NCKAP1L: variants seen among roughly 807,000 people sequenced by gnomAD.
NCKAP1L encodes nck-associated protein 1-like.
A neutral mutation model predicts 139.2 loss-of-function variants in NCKAP1L; 53 were observed. The observed-to-expected ratio is 0.38, with a 90% CI of 0.31 to 0.48. NCKAP1L has a LOEUF of 0.48. Ranked by LOEUF, NCKAP1L falls within the 20% of genes least tolerant of loss-of-function variation. The pLI, the probability that NCKAP1L is intolerant of heterozygous loss-of-function variation, is 0.98. For missense variants in NCKAP1L, 1,151 were observed against 1,381.9 expected, an observed-to-expected ratio of 0.83 and a Z score of 2.65; for synonymous variants, 468 against 499.7, an observed-to-expected ratio of 0.94 and a Z score of 0.85.
At position 54,536,138 on chromosome 12, in the gene NCKAP1L, C is replaced by T; in HGVS notation, c.2966C>T (p.Ser989Phe). 6.2e-7 allele frequency: 1 copy of T among 1,612,002 alleles called. No homozygotes were observed. Among genetic ancestry groups the T allele is most frequent in the Non-Finnish European group, 8.5e-7 (1 of 1,178,322 alleles). ...AIANLKADTS[S>F]PEEEYKVACL... ...TTTTCCCTCTCACCAGATACTTCAT[C>T]TCCTGAGGAGGAATATAAGGTGGCC... is the stretch of plus-strand genomic sequence containing the variant. The change falls in exon 28 of 31, where the codon TCT becomes TTT. Residue 989 changes from serine to phenylalanine, a missense_variant. By Grantham distance (155) the Ser-to-Phe change is radical (BLOSUM62 -2). Transcript: ENST00000293373.
chr12:54,520,942 T>C (rs1030494859), intron 17 of NCKAP1L, 116 bp downstream of exon 17: 4 of 1,481,752 alleles, frequency 2.7e-6, no homozygotes, highest in East Asian at 4.5e-5. Flanking sequence ...AGATGTATGA[T>C]ATGAGTCCCT....
intron 20 of NCKAP1L, among the ~76,000 whole-genome samples, chr12:54,526,043 A>G (rs956108409): frequency 2.6e-5 from 4 of 152,214 alleles, no homozygotes; most frequent in African/African-American, 9.6e-5. Context: ...ATGGCTACTC[A>G]GGATTATAAT....
At chr12:54,519,138 T>C (rs2120923531) in intron 15 of NCKAP1L, 49 bp from the exon 16 acceptor site, 2 of 1,548,284 alleles carry the variant, frequency 1.3e-6, no homozygotes, top group Non-Finnish European at 1.7e-6. Context: ...GCTGGGGGCC[T>C]TTTTCATTCA....
chr12:54,518,603 C>A, intron 13 of NCKAP1L, 48 bp from the exon 14 acceptor site: 1 of 1,433,500 alleles, frequency 7.0e-7, no homozygotes. Context: ...TAGTTTCTGT[C>A]CTAGGGAACC....
chr12:54,517,682 G>T (rs1438946921), intron 12 of NCKAP1L, 40 bp downstream of exon 12: 2 of 1,581,260 alleles, frequency 1.3e-6, no homozygotes. Context: ...TCCTTAGATG[G>T]ACTGGGGACA....
At chr12:54,504,111 G>A (rs548303602) in intron 3 of NCKAP1L, among the ~76,000 whole-genome samples, 9 of 152,108 alleles carry the variant, frequency 5.9e-5, no homozygotes, top group African/African-American at 1.7e-4. Context: ...ATTTCTGATC[G>A]GTGGGATTAT....
intron 7 of NCKAP1L, 128 bp downstream of exon 7, chr12:54,510,113 C>T: frequency 1.6e-6 from 2 of 1,254,838 alleles, no homozygotes; most frequent in South Asian, 2.9e-5. Flanking sequence ...GGGTATGTCT[C>T]TAAGTTGAGC....
intron 30 of NCKAP1L, among the ~76,000 whole-genome samples, chr12:54,540,334 G>T (rs918773659): frequency 1.3e-5 from 2 of 152,144 alleles, no homozygotes; most frequent in Non-Finnish European, 2.9e-5. Flanking sequence ...AGGCTGGGCT[G>T]GTTAAGGATT....
At chr12:54,531,017 A>C (rs774762695) in intron 22 of NCKAP1L, among the ~76,000 whole-genome samples, 3 of 152,208 alleles carry the variant, frequency 2.0e-5, no homozygotes, top group Non-Finnish European at 4.4e-5. Flanking sequence ...TAGGAAAGTA[A>C]AGTAATTAGT....
chr12:54,499,256 C>T, intron 1 of NCKAP1L, 99 bp from the exon 2 acceptor site: 2 of 743,604 alleles, frequency 2.7e-6, no homozygotes, highest in Non-Finnish European at 4.6e-6. Flanking sequence ...CCCAGGTTGC[C>T]TTTTCCTAAG....
rs116596608 is a variant in NCKAP1L, at chr12:54,516,197, G to C, written c.942-42G>C. 1.0e-4 allele frequency: 166 copies of C among 1,610,864 alleles called. No homozygotes were observed. In the East Asian group the frequency reaches 3.7e-3, roughly 35 times the overall value. ...GGGAAGGTGAGGCAAGGGCCCTAAT[G>C]GGTAGCATGGTCAACCCCATTGTGC... is the stretch of plus-strand genomic sequence containing the variant. On this transcript the variant is annotated intron_variant, in intron 9 of 30. Transcript: ENST00000293373.
intron 26 of NCKAP1L, among the ~76,000 whole-genome samples, chr12:54,534,800 T>C (rs1007675610): frequency 2.0e-5 from 3 of 152,094 alleles, no homozygotes; most frequent in African/African-American, 7.2e-5. Context: ...GGGAGAGCTA[T>C]GAAGGGAATA....
chr12:54,518,041 G>A, intron 13 of NCKAP1L, 103 bp downstream of exon 13: 2 of 1,414,104 alleles, frequency 1.4e-6, no homozygotes, highest in Non-Finnish European at 2.0e-6. Context: ...TAAGTTGGGT[G>A]TCAAAAGGTC....
chr12:54,509,860 G>A lies in NCKAP1L; in HGVS notation c.610G>A (p.Ala204Thr). Reference sequence around the variant, plus strand: ...CTTTTCCCCACAGGCTGTGAGTGGAGCCCTCCTCTCTTTGCATTTCCTCTT... The same window carrying A: ...CTTTTCCCCACAGGCTGTGAGTGGAACCCTCCTCTCTTTGCATTTCCTCTT... The part of the protein sequence containing the change: ...FGPHTKAVSG[A>T]LLSLHFLFVR... Residue 204 changes from alanine (A) to threonine (T), a missense_variant, in exon 7 of 31, where the codon GCC (alanine) becomes ACC (threonine). By Grantham distance (58) the Ala-to-Thr change is moderately conservative. Transcript: ENST00000293373. 1 of 1,614,226 alleles carries A rather than the reference G, an allele frequency of 6.2e-7. No homozygotes were observed.
intron 13 of NCKAP1L, 51 bp downstream of exon 13, chr12:54,517,989 G>T: frequency 6.2e-7 from 1 of 1,602,600 alleles, no homozygotes; most frequent in South Asian, 1.1e-5. Flanking sequence ...GATCCCTAGT[G>T]ATTTTCCTAT....
chr12:54,506,792 AAAAAATATATATAT>A, intron 3 of NCKAP1L, among the ~76,000 whole-genome samples: 1 of 23,156 alleles, frequency 4.3e-5, no homozygotes, highest in South Asian at 2.2e-3. Context: ...TATTAAAAAA[AAAAAATATATATAT>A]ATATATATAT....
intron 28 of NCKAP1L, 54 bp from the exon 29 acceptor site, chr12:54,536,890 G>T: frequency 7.7e-7 from 1 of 1,300,146 alleles, no homozygotes; most frequent in Non-Finnish European, 1.1e-6. Flanking sequence ...TCCTGGAGTG[G>T]CTTACTTTGT....
chr12:54,506,806 T>A (rs1393526940), intron 3 of NCKAP1L, among the ~76,000 whole-genome samples: 6 of 132,502 alleles, frequency 4.5e-5, no homozygotes, highest in East Asian at 4.7e-4. Context: ...AATATATATA[T>A]ATATATATAT....
In NCKAP1L at chr12:54,507,838, C is replaced by T. The variant is rs1956854831; in HGVS notation, c.307-15C>T. 1 of 1,612,314 alleles carries T rather than the reference C, an allele frequency of 6.2e-7. No individual in the cohort carries two copies. On this transcript the variant is annotated splice_polypyrimidine_tract_variant and intron_variant, in intron 3 of 30. Transcript: ENST00000293373. ...TTGATTTTTTATTAATTCTTGTCTT[C>T]ACTTCCACCCCCAGGATCATGTATA...
Sources: gnomAD v4.1 joint callset for allele counts (sites outside exome capture counted in the v4.1 genomes callset) on GRCh38, gnomAD v4.1.1 for gene constraint, MANE v1.5 for transcripts, NCBI Gene and HGNC (gene_info 2026-07-23, HGNC 2026-07-21) for gene names.